HTR5A: variants seen among roughly 807,000 people sequenced by gnomAD.
HTR5A encodes 5-hydroxytryptamine receptor 5A.
Under a neutral mutation model 24.3 loss-of-function variants are expected in HTR5A, and 21 were observed. The observed-to-expected ratio is 0.86, with a 90% CI of 0.61 to 1.24. The LOEUF (loss-of-function observed/expected upper bound fraction) is 1.24, where lower values mean the gene tolerates loss of function less well. HTR5A is among the 50% of genes most tolerant of loss of function. The probability of loss-of-function intolerance (pLI) is 0.00; values close to 1 mark genes in which losing one functional copy is unlikely to be tolerated. For missense variants in HTR5A, 497 were observed against 489.5 expected (o/e 1.02, Z -0.15); for synonymous variants, 260 against 213.7 (o/e 1.22, Z -1.89).
chr7:155,075,597 G>T (rs962339310), intron 1 of HTR5A, among the ~76,000 whole-genome samples: 1 of 152,178 alleles, frequency 6.6e-6, no homozygotes, highest in Non-Finnish European at 1.5e-5. Flanking sequence ...AGTCCCAAAA[G>T]TTTCTTGTGT....
In HTR5A at chr7:155,085,907, A is replaced by G. The variant is rs1795471974; in HGVS notation, c.*1420A>G. On this transcript the variant is annotated 3_prime_UTR_variant, in exon 2 of 2. Coordinates refer to ENST00000287907, the MANE Select transcript of HTR5A (RefSeq NM_024012.4). ...CTTTATCAAAAGAATGTGAGCAGAT[A>G]AAGAAATGTTAGACACCTGTGAAGT... is the stretch of plus-strand genomic sequence containing the variant. Among the ~76,000 whole-genome samples the G allele has an allele frequency of 6.6e-6, 1 of 152,226 alleles. No individual in the cohort carries two copies. Among genetic ancestry groups the G allele is most frequent in the African/African-American group, 2.4e-5 (1 of 41,462 alleles).
At chr7:155,073,885 A>ATG (rs1795328738) in intron 1 of HTR5A, among the ~76,000 whole-genome samples, 1 of 7,420 alleles carries the variant, frequency 1.3e-4, no homozygotes, top group African/African-American at 1.5e-4. Context: ...ATGTATATAT[A>ATG]TATGTATATA....
chr7:155,081,724 T>G (rs546317406), intron 1 of HTR5A, among the ~76,000 whole-genome samples: 1 of 152,266 alleles, frequency 6.6e-6, no homozygotes, highest in East Asian at 1.9e-4. Context: ...AGTACATAAG[T>G]CCAAGGGCCA....
At chr7:155,071,757 G>C in intron 1 of HTR5A, 117 bp downstream of exon 1, 6 of 1,076,128 alleles carry the variant, frequency 5.6e-6, no homozygotes, top group South Asian at 1.5e-5. Context: ...GTTTGGGAGT[G>C]GGGGGAGTAA....
At chr7:155,071,962 A>G (rs950657141) in intron 1 of HTR5A, among the ~76,000 whole-genome samples, 3 of 152,168 alleles carry the variant, frequency 2.0e-5, no homozygotes, top group Non-Finnish European at 4.4e-5. Flanking sequence ...CCTTTAGAAC[A>G]TCTGAATAAG....
intron 1 of HTR5A, among the ~76,000 whole-genome samples, chr7:155,083,334 T>G (rs1324047569): frequency 6.6e-6 from 1 of 152,222 alleles, no homozygotes; most frequent in African/African-American, 2.4e-5. Context: ...TTTGATTGGA[T>G]CAATTAATTT....
intron 1 of HTR5A, among the ~76,000 whole-genome samples, chr7:155,076,728 A>G (rs956813743): frequency 2.0e-5 from 3 of 152,210 alleles, no homozygotes; most frequent in Admixed American, 1.3e-4. Context: ...ACCATTATCA[A>G]TCAATGAGTA....
At chr7:155,073,869 ATATATATG>A (rs368522055) in intron 1 of HTR5A, among the ~76,000 whole-genome samples, 6,750 of 95,956 alleles carry the variant, frequency 0.07, 215 homozygotes, top group Middle Eastern at 0.11. Flanking sequence ...GTGTGTGTAT[ATATATATG>A]TATATATATA....
chr7:155,080,627 G>A (rs1240723007), intron 1 of HTR5A, among the ~76,000 whole-genome samples: 3 of 152,204 alleles, frequency 2.0e-5, no homozygotes, highest in Non-Finnish European at 2.9e-5. Context: ...TCAGAATAGC[G>A]AGAGGAAGCT....
At position 155,086,168 on chromosome 7, in the gene HTR5A, TTTTGAATAAGGGAAGTG is replaced by T. The variant is rs1391390749; in HGVS notation, c.*1697_*1713del. ...TAACAAATGCTATTGTTTTCTAGTGTTTTGAATAAGGGAAGTGTTTGAATAAGGGAAGGGAAGTGTTT... is the reference window on the plus strand; with the variant it reads ...TAACAAATGCTATTGTTTTCTAGTGTTTTGAATAAGGGAAGGGAAGTGTTT... On this transcript the variant is annotated 3_prime_UTR_variant, in exon 2 of 2. Coordinates refer to ENST00000287907, the MANE Select transcript of HTR5A (RefSeq NM_024012.4). Among the ~76,000 whole-genome samples, 1 of 152,332 alleles carries T rather than the reference TTTTGAATAAGGGAAGTG, an allele frequency of 6.6e-6. No homozygotes were observed.
In HTR5A at chr7:155,070,697, A is replaced by G; in HGVS notation, c.-203A>G. ...TGCTTCCTTAGCCTCTGAGGGCTTC[A>G]GACCTGCCGCGCTTGCAGCCACACC... On this transcript the variant is annotated 5_prime_UTR_variant, in exon 1 of 2. Transcript: ENST00000287907. 1 of 614,216 alleles carries G rather than the reference A, an allele frequency of 1.6e-6. No individual in the cohort carries two copies. Among genetic ancestry groups the G allele is most frequent in the South Asian group, 2.0e-5 (1 of 49,896 alleles). The allele number at this position is 614,216 out of a possible 1,614,324, so 38.0% of individuals were successfully genotyped here.
At position 155,070,409 on chromosome 7, in the gene HTR5A, C is replaced by G. The variant is rs1056599611; in HGVS notation, c.-491C>G. The G allele has an allele frequency of 4.4e-6, 2 of 455,104 alleles. No homozygotes were observed. The highest frequency in any genetic ancestry group is 4.7e-5 in the Admixed American group (2 of 42,310). 28.2% of individuals were successfully genotyped at this position (455,104 alleles called of 1,614,324 possible). On this transcript the variant is annotated 5_prime_UTR_variant, in exon 1 of 2. Coordinates refer to ENST00000287907, the MANE Select transcript of HTR5A (RefSeq NM_024012.4). ...GCAGGTCCCAGAAAGCAGGTTCCCC[C>G]AAAACTGGCTTCCCTAGCACGGAGT... is the stretch of plus-strand genomic sequence containing the variant.
Position 155,070,853 on chromosome 7 carries a change from T to C in HTR5A, c.-47T>C. On this transcript the variant is annotated 5_prime_UTR_variant, in exon 1 of 2. Transcript: ENST00000287907. ...GCACAGTGGCCGCCTTAAGTCCTCC[T>C]GAACACCCCTTCTGCAAGTACCCCA... The C allele has an allele frequency of 6.4e-7, 1 of 1,554,370 alleles. No individual in the cohort carries two copies. Among genetic ancestry groups the C allele is most frequent in the Non-Finnish European group, 8.7e-7 (1 of 1,153,252 alleles).
intron 1 of HTR5A, among the ~76,000 whole-genome samples, chr7:155,072,047 C>T (rs1371738747): frequency 6.6e-6 from 1 of 152,078 alleles, no homozygotes; most frequent in East Asian, 1.9e-4. Flanking sequence ...GGGGGTGTTC[C>T]AGGAGGAGGG....
intron 1 of HTR5A, among the ~76,000 whole-genome samples, chr7:155,075,423 A>T (rs953577179): frequency 3.9e-5 from 6 of 152,242 alleles, no homozygotes; most frequent in Non-Finnish European, 1.5e-5. Flanking sequence ...TCCGAACAAC[A>T]GATGCTGAAG....
chr7:155,071,685 ACAGGCTATATCCC>A (rs1330490863), intron 1 of HTR5A, 45 bp downstream of exon 1: 1 of 1,587,716 alleles, frequency 6.3e-7, no homozygotes, highest in African/African-American at 1.3e-5. Context: ...TTGCATCTGT[ACAGGCTATATCCC>A]CAGGCCACCT....
rs1272892022 is a variant in HTR5A at position 155,086,854 on chromosome 7, A to C, written c.*2367A>C. On this transcript the variant is annotated 3_prime_UTR_variant, in exon 2 of 2. Transcript: ENST00000287907. ...TTTATCAGGTTAGAAATTTATATGA[A>C]TCATAAACAGAAGTAATTGCTCAAA... Among the ~76,000 whole-genome samples, 3 of 152,214 alleles carry C rather than the reference A, an allele frequency of 2.0e-5. No homozygotes were observed. In the East Asian group the frequency reaches 5.8e-4, roughly 29 times the overall value.
intron 1 of HTR5A, among the ~76,000 whole-genome samples, chr7:155,080,541 A>G (rs998763395): frequency 6.6e-6 from 1 of 152,196 alleles, no homozygotes; most frequent in African/African-American, 2.4e-5. Flanking sequence ...ACTTCAATGG[A>G]GCCTCCAGAA....
In HTR5A at chr7:155,071,424, C is replaced by T; in HGVS notation, c.525C>T (p.Ala175=). Residue 175 remains alanine, a synonymous_variant, in exon 1 of 2, where the codon GCC becomes GCT. Transcript: ENST00000287907. ...CACTCTCCGCTGTCATCTCTCTGGC[C>T]CCGCTGCTTTTTGGCTGGGGAGAGA... ...TWALSAVISL[A]PLLFGWGETY... is the part of the protein sequence containing the mutation. The T allele has an allele frequency of 1.2e-6, 2 of 1,614,224 alleles. No individual in the cohort carries two copies. Among genetic ancestry groups the T allele is most frequent in the Non-Finnish European group, 1.7e-6 (2 of 1,180,040 alleles).
Sources: gnomAD v4.1 joint callset for allele counts (sites outside exome capture counted in the v4.1 genomes callset) on GRCh38, gnomAD v4.1.1 for gene constraint, MANE v1.5 for transcripts, NCBI Gene and HGNC (gene_info 2026-07-23, HGNC 2026-07-21) for gene names.